The following ZNF233 variants were observed in gnomAD, a reference collection of about 807,000 sequenced individuals.
The protein encoded by ZNF233 is zinc finger protein 233.
Under a neutral mutation model 11.6 loss-of-function variants are expected in ZNF233, and 7 were observed. The observed-to-expected ratio is 0.60, with a 90% CI of 0.34 to 1.13. The LOEUF (loss-of-function observed/expected upper bound fraction) is 1.13. ZNF233 is among the 50% of genes most tolerant of loss of function. The probability of loss-of-function intolerance (pLI) is 0.03; values close to 1 mark genes in which losing one functional copy is unlikely to be tolerated. For missense variants in ZNF233, 711 were observed against 785.5 expected (o/e 0.91, Z 1.13); for synonymous variants, 226 against 268.5 (o/e 0.84, Z 1.55).
chr19:44,261,143 G>A (rs761765389), intron 1 of ZNF233, among the ~76,000 whole-genome samples: 2 of 152,116 alleles, frequency 1.3e-5, no homozygotes, highest in Non-Finnish European at 2.9e-5. Context: ...CTTCAGCCCT[G>A]AGAAATGTCA....
At chr19:44,262,440 G>C (rs575438335) in intron 1 of ZNF233, among the ~76,000 whole-genome samples, 1 of 152,206 alleles carries the variant, frequency 6.6e-6, no homozygotes, top group Non-Finnish European at 1.5e-5. Context: ...AGTGAGCAGA[G>C]CTGAGCCAGG....
Position 44,272,920 on chromosome 19 carries a change from T to A in ZNF233, c.260T>A (p.Ile87Lys). 6.3e-7 allele frequency: 1 copy of A among 1,592,504 alleles called. No individual in the cohort carries two copies. ...CTAGGACACAAGAATCAAAATGAGA[T>A]AGATACCCTTCAAGAAGTAAGATTA... is the stretch of plus-strand genomic sequence containing the variant. Reference protein sequence around the residue: ...GCSGHKNQNEIDTLQEVRLRF... With the variant: ...GCSGHKNQNEKDTLQEVRLRF... The change falls in exon 5 of 5, where the codon ATA becomes AAA. Residue 87 changes from isoleucine (I) to lysine (K), a missense_variant. Transcript: ENST00000683810.
intron 1 of ZNF233, 136 bp from the exon 2 acceptor site, chr19:44,264,178 A>C: frequency 1.5e-6 from 1 of 648,546 alleles, no homozygotes; most frequent in South Asian, 1.7e-5. Context: ...GAGCTCAAGC[A>C]ATCTGCCTGC....
rs1975334066 is a variant in ZNF233 at position 44,274,347 on chromosome 19, C to A, written c.1687C>A (p.Pro563Thr). Residue 563 changes from proline to threonine, a missense_variant, in exon 5 of 5, where the codon CCC becomes ACC. Physicochemically the swap from Pro to Thr is conservative, Grantham distance 38. Transcript: ENST00000683810. ...DHQQVHTGENPYKCDVCGKGF... is the reference protein window; with the variant it reads ...DHQQVHTGENTYKCDVCGKGF... ...TCAGCAAGTCCATACTGGAGAGAAT[C>A]CCTACAAATGTGATGTGTGTGGGAA... The A allele has an allele frequency of 6.2e-7, 1 of 1,613,742 alleles. No homozygotes were observed. Among genetic ancestry groups the A allele is most frequent in the Admixed American group, 1.7e-5 (1 of 59,988 alleles).
rs754614272 is a variant in ZNF233, at chr19:44,274,253, A to T, written c.1593A>T (p.Lys531Asn). ...TTCAGGCCCATCAGAGAGTTCACAA[A>T]GGAGAGAAGCCATACAAATGTGAGA... ...SHLQAHQRVH[K>N]GEKPYKCETC... The change falls in exon 5 of 5, where the codon AAA becomes AAT. Residue 531 changes from lysine (K) to asparagine (N), a missense_variant. Lys to Asn is a moderately conservative substitution (Grantham distance 94). Coordinates refer to ENST00000683810, the MANE Select transcript of ZNF233 (RefSeq NM_001207005.2). The T allele has an allele frequency of 1.7e-5, 27 of 1,609,998 alleles. No homozygotes were observed. The highest frequency in any genetic ancestry group is 2.3e-5 in the Non-Finnish European group (27 of 1,176,762).
In ZNF233 at chr19:44,275,288, A is replaced by G; in HGVS notation, c.*615A>G. 5.3e-6 allele frequency: 1 copy of G among 189,750 alleles called. No individual in the cohort carries two copies. 11.8% of individuals were successfully genotyped at this position (189,750 alleles called of 1,614,324 possible). ...GAAGCCTTAAAATGAATTCAAGGAA[A>G]TGACATTTAATTAAAACACATAAAA... On this transcript the variant is annotated 3_prime_UTR_variant, in exon 5 of 5. Transcript: ENST00000683810.
At chr19:44,263,412 C>T (rs989998570) in intron 1 of ZNF233, among the ~76,000 whole-genome samples, 2 of 152,052 alleles carry the variant, frequency 1.3e-5, no homozygotes, top group Admixed American at 6.6e-5. Context: ...TCATTAATCC[C>T]CAAAGCAACT....
intron 4 of ZNF233, chr19:44,267,365 T>C: frequency 5.0e-6 from 2 of 398,880 alleles, no homozygotes; most frequent in Non-Finnish European, 8.8e-6. Context: ...TTTTTTTTTT[T>C]TTTCTTTAAG....
chr19:44,270,502 C>A (rs185155980), intron 4 of ZNF233, among the ~76,000 whole-genome samples: 1,845 of 152,148 alleles, frequency 0.012, 81 homozygotes, highest in Admixed American at 0.079. Flanking sequence ...GCCTGGGGAA[C>A]AAGAGCGGAA....
intron 1 of ZNF233, among the ~76,000 whole-genome samples, chr19:44,260,596 C>T (rs1254535796): frequency 6.6e-6 from 1 of 152,146 alleles, no homozygotes; most frequent in African/African-American, 2.4e-5. Context: ...CCATGTGGTG[C>T]CTGGGGATGT....
intron 2 of ZNF233, among the ~76,000 whole-genome samples, chr19:44,265,415 GTTTC>G (rs1975054688): frequency 1.4e-5 from 2 of 144,774 alleles, no homozygotes; most frequent in Non-Finnish European, 3.0e-5. Flanking sequence ...ACACACCACG[GTTTC>G]TTTTCTTTTG....
chr19:44,260,563 T>C (rs1974910772), intron 1 of ZNF233, among the ~76,000 whole-genome samples: 1 of 152,156 alleles, frequency 6.6e-6, no homozygotes, highest in Non-Finnish European at 1.5e-5. Context: ...CCTTCCCTTT[T>C]AAGGCATGAG....
chr19:44,269,631 T>C (rs886691898), intron 4 of ZNF233, among the ~76,000 whole-genome samples: 2 of 152,122 alleles, frequency 1.3e-5, no homozygotes, highest in Non-Finnish European at 2.9e-5. Flanking sequence ...TGGCCAATTT[T>C]TTATTGAAAT....
At chr19:44,262,844 A>G (rs1245670512) in intron 1 of ZNF233, among the ~76,000 whole-genome samples, 4 of 152,212 alleles carry the variant, frequency 2.6e-5, no homozygotes, top group Non-Finnish European at 4.4e-5. Context: ...ATCTGGCTCC[A>G]GTATCCCTCA....
At chr19:44,262,081 T>C (rs1356650882) in intron 1 of ZNF233, among the ~76,000 whole-genome samples, 1 of 152,250 alleles carries the variant, frequency 6.6e-6, no homozygotes, top group Non-Finnish European at 1.5e-5. Flanking sequence ...CCTGAGAATT[T>C]TGTAGCTTAA....
intron 3 of ZNF233, 48 bp downstream of exon 3, chr19:44,266,372 CCTG>C (rs779299517): frequency 1.4e-6 from 2 of 1,457,086 alleles, no homozygotes; most frequent in South Asian, 3.2e-5. Flanking sequence ...TCTGGACTGT[CCTG>C]CTTTCAATTA....
In ZNF233 at chr19:44,274,357, G is replaced by T. The variant is rs1975334622; in HGVS notation, c.1697G>T (p.Cys566Phe). 1 of 1,613,952 alleles carries T rather than the reference G, an allele frequency of 6.2e-7. No individual in the cohort carries two copies. Among genetic ancestry groups the T allele is most frequent in the South Asian group, 1.1e-5 (1 of 91,070 alleles). The change falls in exon 5 of 5, where the codon TGT becomes TTT. Residue 566 changes from cysteine to phenylalanine, a missense_variant. Coordinates refer to ENST00000683810, the MANE Select transcript of ZNF233 (RefSeq NM_001207005.2). ...QVHTGENPYK[C>F]DVCGKGFSWS... Reference sequence around the variant, plus strand: ...CATACTGGAGAGAATCCCTACAAATGTGATGTGTGTGGGAAAGGCTTCAGT... The same window carrying T: ...CATACTGGAGAGAATCCCTACAAATTTGATGTGTGTGGGAAAGGCTTCAGT...
chr19:44,268,937 A>G (rs1293794923), intron 4 of ZNF233, among the ~76,000 whole-genome samples: 1 of 152,208 alleles, frequency 6.6e-6, no homozygotes, highest in South Asian at 2.1e-4. Flanking sequence ...CAAACAAAAA[A>G]AGCAAACCAA....
intron 4 of ZNF233, among the ~76,000 whole-genome samples, chr19:44,270,778 G>A (rs1356706799): frequency 1.3e-5 from 2 of 152,106 alleles, no homozygotes; most frequent in African/African-American, 2.4e-5. Context: ...CATTCCCTAC[G>A]GCTGCTGAAG....
Sources: allele counts gnomAD v4.1 joint callset (sites outside exome capture counted in the v4.1 genomes callset), GRCh38; gene constraint gnomAD v4.1.1; transcripts MANE v1.5; gene names NCBI Gene and HGNC (gene_info 2026-07-23, HGNC 2026-07-21).